Variants in LRRK1 observed in about 807,000 individuals in gnomAD.
LRRK1 encodes leucine-rich repeat serine/threonine-protein kinase 1.
Under a neutral mutation model 209.1 loss-of-function variants are expected in LRRK1, and 113 were observed. That is an observed-to-expected ratio of 0.54 (90% confidence interval 0.46 to 0.63). LRRK1 has a LOEUF of 0.63. LRRK1 is among the 30% of genes least tolerant of loss of function. LRRK1 has a pLI of 0.00. For missense variants in LRRK1, 2,284 were observed against 2,632.2 expected (o/e 0.87, Z 2.89); for synonymous variants, 1,144 against 1,099.7 (o/e 1.04, Z -0.80).
intron 21 of LRRK1, 47 bp downstream of exon 21, chr15:101,046,199 T>C: frequency 6.3e-7 from 1 of 1,579,830 alleles, no homozygotes; most frequent in East Asian, 2.3e-5. Flanking sequence ...GAGAGCCACC[T>C]ACAGTTGTAC....
At chr15:101,034,097 T>C (rs2034396800) in intron 20 of LRRK1, among the ~76,000 whole-genome samples, 2 of 152,106 alleles carry the variant, frequency 1.3e-5, no homozygotes, top group South Asian at 4.1e-4. Flanking sequence ...TCCTTTGCCT[T>C]CTTTTGAGAT....
intron 2 of LRRK1, among the ~76,000 whole-genome samples, chr15:100,941,367 C>CGTCTGTGTCTCTGTGTGTGT (rs1567190857): frequency 9.0e-5 from 2 of 22,134 alleles, no homozygotes; most frequent in African/African-American, 2.0e-4. Flanking sequence ...TGTGTGTGTG[C>CGTCTGTGTCTCTGTGTGTGT]CTGTATGTGT....
At chr15:101,034,997 T>A (rs7169099) in intron 20 of LRRK1, among the ~76,000 whole-genome samples, 1 of 151,772 alleles carries the variant, frequency 6.6e-6, no homozygotes, top group African/African-American at 2.4e-5. Context: ...TTGGTTACTC[T>A]AGCTAGTGAT....
Position 101,024,915 on chromosome 15 carries a change from C to A in LRRK1, c.2180C>A (p.Ala727Glu). The A allele has an allele frequency of 6.2e-7, 1 of 1,614,114 alleles. No homozygotes were observed. The highest frequency in any genetic ancestry group is 2.2e-5 in the East Asian group (1 of 44,882). The change falls in exon 16 of 34, where the codon GCG becomes GAG. Residue 727 changes from alanine (A) to glutamate (E), a missense_variant. This residue lies in a region of LRRK1 where 780 missense variants were observed against 985.2 expected (regional missense o/e 0.79). Coordinates refer to ENST00000388948, the MANE Select transcript of LRRK1 (RefSeq NM_024652.6). This position sits in a 1 kb window ranked among gnomAD's most constrained non-coding sequence, Gnocchi z 4.6. ...CTGTACGTGGTGGTCTGGAACCTGG[C>A]GCTGGGGGAGGAGGCCGTGGCCAAC... ...KALYVVVWNL[A>E]LGEEAVANLQ...
intron 2 of LRRK1, among the ~76,000 whole-genome samples, chr15:100,930,688 GC>G (rs2042196007): frequency 6.6e-6 from 1 of 152,162 alleles, no homozygotes; most frequent in Admixed American, 6.5e-5. Context: ...ATCTGCCCTG[GC>G]CCCCATGAAG....
At chr15:101,042,364 A>T (rs1042018054) in intron 20 of LRRK1, among the ~76,000 whole-genome samples, 4 of 152,070 alleles carry the variant, frequency 2.6e-5, no homozygotes, top group Admixed American at 6.5e-5. Flanking sequence ...CTGGGCAGAC[A>T]GGGGTCCTCC....
chr15:101,029,340 G>A, intron 20 of LRRK1, 108 bp downstream of exon 20: 1 of 1,122,600 alleles, frequency 8.9e-7, no homozygotes, highest in Non-Finnish European at 1.2e-6. Flanking sequence ...GATCAGTGCT[G>A]CCACTGCTGC....
chr15:101,025,189 C>T (rs2033968763), intron 16 of LRRK1, among the ~76,000 whole-genome samples: 1 of 152,128 alleles, frequency 6.6e-6, no homozygotes, highest in African/African-American at 2.4e-5. Context: ...ATTTAGGAAC[C>T]CCCACCCTTG....
rs2036773706 is a variant in LRRK1, at chr15:101,070,769, T to G, written c.*1921T>G. 6.8e-6 allele frequency: 1 copy of G among 148,012 alleles called. No individual in the cohort carries two copies. The highest frequency in any genetic ancestry group is 6.8e-5 in the Admixed American group (1 of 14,700). 9.2% of individuals were successfully genotyped at this position (148,012 alleles called of 1,614,324 possible). A position where few individuals can be genotyped will look rare whatever the true frequency, so the allele number is the denominator to read the frequency against. ...GATCACACCAGCTTTCTAGCCTGGG[T>G]GACAGAGCAAGACCCAACTCTTAAA... On this transcript the variant is annotated 3_prime_UTR_variant, in exon 34 of 34. Transcript: ENST00000388948.
intron 2 of LRRK1, among the ~76,000 whole-genome samples, chr15:100,961,607 C>T (rs943330601): frequency 4.7e-5 from 7 of 149,934 alleles, no homozygotes; most frequent in Non-Finnish European, 8.8e-5. Flanking sequence ...TAGCCGAGAT[C>T]GCGCCACCGC....
intron 13 of LRRK1, chr15:101,021,572 T>G: frequency 1.9e-6 from 1 of 515,674 alleles, no homozygotes; most frequent in Non-Finnish European, 3.4e-6. Flanking sequence ...GTGATCATCT[T>G]TATGGGGATG....
chr15:100,924,605 C>A lies in LRRK1; in HGVS notation c.-28C>A. The A allele has an allele frequency of 6.2e-7, 1 of 1,609,600 alleles. No homozygotes were observed. Among genetic ancestry groups the A allele is most frequent in the Non-Finnish European group, 8.5e-7 (1 of 1,176,184 alleles). On this transcript the variant is annotated 5_prime_UTR_variant, in exon 2 of 34. Transcript: ENST00000388948. ...TGGCAGTGACAACAGCGGGACCTGC[C>A]TTTGAAGATCGGCTGCTGCAAGGGT...
chr15:100,930,293 C>T (rs2042187334), intron 2 of LRRK1, among the ~76,000 whole-genome samples: 2 of 152,210 alleles, frequency 1.3e-5, no homozygotes, highest in Non-Finnish European at 2.9e-5. Flanking sequence ...AGGCCGCCGG[C>T]AACTTTACAC....
At chr15:100,927,419 T>C (rs2042134933) in intron 2 of LRRK1, among the ~76,000 whole-genome samples, 1 of 152,192 alleles carries the variant, frequency 6.6e-6, no homozygotes, top group African/African-American at 2.4e-5. Flanking sequence ...GATGGCCTCT[T>C]TCCCCAGTGG....
intron 26 of LRRK1, among the ~76,000 whole-genome samples, chr15:101,053,972 T>TAAAC (rs1357401036): frequency 1.3e-5 from 2 of 152,188 alleles, no homozygotes; most frequent in African/African-American, 4.8e-5. Context: ...GATAATTTTT[T>TAAAC]AAACAGAATT....
chr15:101,006,788 A>G (rs950142529), intron 6 of LRRK1, among the ~76,000 whole-genome samples: 5 of 152,240 alleles, frequency 3.3e-5, no homozygotes, highest in Non-Finnish European at 7.3e-5. Context: ...CGTTTTAACA[A>G]TCAGTGAGTC....
chr15:100,961,517 G>T (rs909559497), intron 2 of LRRK1, among the ~76,000 whole-genome samples: 1 of 152,160 alleles, frequency 6.6e-6, no homozygotes, highest in Non-Finnish European at 1.5e-5. Context: ...GCCGGGCATG[G>T]TGGTGCGTGC....
intron 2 of LRRK1, among the ~76,000 whole-genome samples, chr15:100,939,793 G>A (rs2042367246): frequency 6.6e-6 from 1 of 152,096 alleles, no homozygotes; most frequent in African/African-American, 2.4e-5. Context: ...GTAAATAGTT[G>A]GGTTTTTTTC....
At chr15:100,949,667 T>C (rs2042607877) in intron 2 of LRRK1, among the ~76,000 whole-genome samples, 1 of 152,182 alleles carries the variant, frequency 6.6e-6, no homozygotes, top group African/African-American at 2.4e-5. Context: ...AAAAGGATTA[T>C]ACGCCATGAC....
Sources: gnomAD v4.1 joint callset for allele counts (sites outside exome capture counted in the v4.1 genomes callset) on GRCh38, gnomAD v4.1.1 for gene constraint, gnomAD v4.1.1 regional missense constraint, Gnocchi (gnomAD v3.1) non-coding constraint, MANE v1.5 for transcripts, NCBI Gene and HGNC (gene_info 2026-07-23, HGNC 2026-07-21) for gene names.